Variants in ZC3H12B observed in about 807,000 individuals in gnomAD.
ZC3H12B encodes probable ribonuclease ZC3H12B.
A neutral mutation model predicts 43.9 loss-of-function variants in ZC3H12B; 7 were observed. That is an observed-to-expected ratio of 0.16 (90% confidence interval 0.09 to 0.30). ZC3H12B has a LOEUF of 0.30. Ranked by LOEUF, ZC3H12B falls within the 10% of genes least tolerant of loss-of-function variation. The pLI, the probability that ZC3H12B is intolerant of heterozygous loss-of-function variation, is 1.00. For synonymous variants in ZC3H12B, 222 were observed against 241.7 expected, an observed-to-expected ratio of 0.92 and a Z score of 0.76; for missense variants, 475 against 670.2, an observed-to-expected ratio of 0.71 and a Z score of 3.22.
At chrX:65,134,556 A>G in the ZC3H12B span, among the ~76,000 whole-genome samples, 2 of 111,527 alleles carry the variant, frequency 1.8e-5, no homozygotes, top group African/African-American at 6.5e-5. Context: ...GAAGAGAGTG[A>G]AAAGACCACT....
chrX:65,281,719 C>A, the ZC3H12B span, among the ~76,000 whole-genome samples: 1 of 112,228 alleles, frequency 8.9e-6, no homozygotes, highest in Non-Finnish European at 1.9e-5. Flanking sequence ...TGTAAAACTG[C>A]TAGAAAGAAA....
At chrX:65,053,270 G>A in the ZC3H12B span, among the ~76,000 whole-genome samples, 7 of 109,975 alleles carry the variant, frequency 6.4e-5, no homozygotes, top group South Asian at 3.9e-4. Context: ...CCCCCACCCC[G>A]CAACAGGCCC....
the ZC3H12B span, among the ~76,000 whole-genome samples, chrX:65,076,655 G>A: frequency 6.5e-5 from 7 of 107,188 alleles, no homozygotes; most frequent in Non-Finnish European, 1.4e-4. Context: ...CACTGATTCT[G>A]TTCCTCACCT....
the ZC3H12B span, among the ~76,000 whole-genome samples, chrX:65,070,614 G>T: frequency 9.0e-6 from 1 of 110,568 alleles, no homozygotes; most frequent in Non-Finnish European, 1.9e-5. Flanking sequence ...CTGTGTCCCA[G>T]AGATTCTGGT....
the ZC3H12B span, among the ~76,000 whole-genome samples, chrX:65,287,989 CATATAT>C: frequency 2.2e-5 from 2 of 90,440 alleles, no homozygotes. Flanking sequence ...ATTTTATATA[CATATAT>C]ATATATATAT....
At chrX:65,328,300 C>A in the ZC3H12B span, 1 of 250,978 alleles carries the variant, frequency 4.0e-6, no homozygotes, top group Non-Finnish European at 7.9e-6. Context: ...TCTTTTATCC[C>A]TGGCATAACT....
At chrX:65,288,681 G>T in the ZC3H12B span, among the ~76,000 whole-genome samples, 3 of 111,423 alleles carry the variant, frequency 2.7e-5, no homozygotes, top group African/African-American at 9.8e-5. Context: ...CTTATATCTC[G>T]AATAAGACAA....
the ZC3H12B span, among the ~76,000 whole-genome samples, chrX:65,053,713 C>T: frequency 9.0e-6 from 1 of 111,704 alleles, no homozygotes; most frequent in Non-Finnish European, 1.9e-5. Flanking sequence ...AACTAGTTTA[C>T]AGTCCCACCA....
the ZC3H12B span, among the ~76,000 whole-genome samples, chrX:65,199,622 G>C: frequency 9.0e-6 from 1 of 110,506 alleles, no homozygotes; most frequent in Non-Finnish European, 1.9e-5. Flanking sequence ...ACAGGTCCCA[G>C]TCTGTGTTGT....
chrX:65,303,197 A>G, the ZC3H12B span, among the ~76,000 whole-genome samples: 1 of 110,863 alleles, frequency 9.0e-6, no homozygotes, highest in Non-Finnish European at 1.9e-5. Context: ...AAGAACTTAA[A>G]GTCAGGGCTT....
the ZC3H12B span, among the ~76,000 whole-genome samples, chrX:65,084,602 G>A: frequency 8.9e-6 from 1 of 112,398 alleles, no homozygotes; most frequent in Non-Finnish European, 1.9e-5. Context: ...AAATGACAGA[G>A]AATAACTAAT....
chrX:65,150,541 A>G, the ZC3H12B span, among the ~76,000 whole-genome samples: 1 of 108,248 alleles, frequency 9.2e-6, no homozygotes, highest in African/African-American at 3.4e-5. Flanking sequence ...CCTTGTGTCC[A>G]TGTATTCTGA....
At chrX:65,323,654 A>T in the ZC3H12B span, among the ~76,000 whole-genome samples, 436 of 112,101 alleles carry the variant, frequency 3.9e-3, 1 homozygote, top group Non-Finnish European at 7.5e-3. Flanking sequence ...CAGTAAACAC[A>T]TGTGTGCATG....
At chrX:65,161,238 G>T in the ZC3H12B span, among the ~76,000 whole-genome samples, 2 of 111,551 alleles carry the variant, frequency 1.8e-5, no homozygotes, top group East Asian at 2.8e-4. Context: ...TGTATATTCT[G>T]TTGATTTGGG....
At chrX:65,452,841 AACACACACACACAC>A (rs111853414) in intron 3 of ZC3H12B, among the ~76,000 whole-genome samples, 11 of 92,218 alleles carry the variant, frequency 1.2e-4, no homozygotes, top group East Asian at 1.0e-3. Context: ...ACTCCATCTA[AACACACACACACAC>A]ACACACACAC....
At chrX:65,301,399 CA>C in the ZC3H12B span, among the ~76,000 whole-genome samples, 1 of 111,189 alleles carries the variant, frequency 9.0e-6, no homozygotes, top group Admixed American at 9.6e-5. Context: ...TATAGCAGCA[CA>C]ATTTGCAATT....
intron 2 of ZC3H12B, among the ~76,000 whole-genome samples, chrX:65,370,599 T>G (rs1159621175): frequency 8.9e-6 from 1 of 112,105 alleles, no homozygotes; most frequent in African/African-American, 3.2e-5. Flanking sequence ...TATATATCCC[T>G]AAGGAAAAAA....
At chrX:65,413,974 G>T (rs1210492962) in intron 3 of ZC3H12B, among the ~76,000 whole-genome samples, 1 of 111,898 alleles carries the variant, frequency 8.9e-6, no homozygotes, top group Non-Finnish European at 1.9e-5. Flanking sequence ...CCAGTTTTTA[G>T]TGTACAAGTC....
chrX:65,243,838 G>T, the ZC3H12B span, among the ~76,000 whole-genome samples: 5 of 111,612 alleles, frequency 4.5e-5, no homozygotes, highest in Non-Finnish European at 7.5e-5. Flanking sequence ...GATGGAATTA[G>T]AGGACATTAT....
Sources: allele counts gnomAD v4.1 joint callset (sites outside exome capture counted in the v4.1 genomes callset), GRCh38; gene constraint gnomAD v4.1.1; transcripts MANE v1.5; gene names NCBI Gene and HGNC (gene_info 2026-07-23, HGNC 2026-07-21).